SNX27: variants seen among roughly 807,000 people sequenced by gnomAD.
SNX27 encodes the protein sorting nexin 27.
SNX27 carries 22 observed loss-of-function variants against 71.6 expected under a neutral mutation model. That is an observed-to-expected ratio of 0.31 (90% CI 0.22 to 0.44). SNX27 has a LOEUF of 0.44. SNX27 is among the 20% of genes least tolerant of loss of function. The pLI is 1.00. For synonymous variants in SNX27, 269 were observed against 277.2 expected (o/e 0.97, Z 0.29); for missense variants, 531 against 698.6 (o/e 0.76, Z 2.70).
intron 1 of SNX27, among the ~76,000 whole-genome samples, chr1:151,616,363 G>T (rs1013935913): frequency 3.3e-5 from 5 of 152,136 alleles, no homozygotes; most frequent in Admixed American, 1.3e-4. Context: ...ATTTTTGAAG[G>T]ATTAGTTTAA....
Position 151,612,307 on chromosome 1 carries a change from G to A in SNX27, c.106G>A (p.Gly36Arg). 1 of 1,518,422 alleles carries A rather than the reference G, an allele frequency of 6.6e-7. No individual in the cohort carries two copies. The highest frequency in any genetic ancestry group is 2.2e-5 in the Admixed American group (1 of 44,820). 94.1% of individuals were successfully genotyped at this position (1,518,422 alleles called of 1,614,324 possible). A position where few individuals can be genotyped will look rare whatever the true frequency, so the allele number is the denominator to read the frequency against. The change falls in exon 1 of 12, where the codon GGG becomes AGG. Residue 36 changes from glycine to arginine, a missense_variant. By Grantham distance (125) the Gly-to-Arg change is moderately radical (BLOSUM62 -2). Transcript: ENST00000458013. This position sits in a 1 kb window ranked among gnomAD's most constrained non-coding sequence, Gnocchi z 5.2. Reference protein sequence around the residue: ...SGLHCAGNGGGGGGGPRVVRI... With the variant: ...SGLHCAGNGGRGGGGPRVVRI... Reference sequence around the variant, plus strand: ...GCTCCACTGCGCCGGGAACGGCGGCGGGGGAGGCGGCGGCCCGCGGGTCGT... The same window carrying A: ...GCTCCACTGCGCCGGGAACGGCGGCAGGGGAGGCGGCGGCCCGCGGGTCGT...
chr1:151,692,568 A>G lies in SNX27; in HGVS notation c.1373A>G (p.Glu458Gly). The G allele has an allele frequency of 6.2e-7, 1 of 1,612,746 alleles. No homozygotes were observed. The highest frequency in any genetic ancestry group is 8.5e-7 in the Non-Finnish European group (1 of 1,179,602). ...CACTTTAAACTGCATGCCTGCACTG[A>G]AGAAGGACAGCTGGAGGTGAGTTTT... The part of the protein sequence containing the change: ...ITHFKLHACT[E>G]EGQLENQVIA... The change falls in exon 9 of 12, where the codon GAA becomes GGA. Residue 458 changes from glutamate to glycine, a missense_variant. By Grantham distance (98) the Glu-to-Gly change is moderately conservative. Coordinates refer to ENST00000458013, the MANE Select transcript of SNX27 (RefSeq NM_001330723.2).
At chr1:151,632,479 A>G (rs1363467943) in intron 1 of SNX27, among the ~76,000 whole-genome samples, 1 of 152,086 alleles carries the variant, frequency 6.6e-6, no homozygotes, top group African/African-American at 2.4e-5. Context: ...TTTTAACTAT[A>G]CTAGGTTTGA....
intron 1 of SNX27, 78 bp from the exon 2 acceptor site, chr1:151,638,810 T>C (rs760045880): frequency 7.6e-7 from 1 of 1,316,762 alleles, no homozygotes; most frequent in Non-Finnish European, 1.1e-6. Flanking sequence ...ACACTGGAGT[T>C]TGGGCAGGAG....
intron 2 of SNX27, among the ~76,000 whole-genome samples, chr1:151,651,562 C>T (rs1213203888): frequency 6.0e-5 from 9 of 150,958 alleles, no homozygotes; most frequent in East Asian, 2.0e-4. Context: ...ACCTCCCAGA[C>T]GGGGTCGCGG....
At chr1:151,651,457 C>T (rs1205134895) in intron 2 of SNX27, among the ~76,000 whole-genome samples, 3 of 151,426 alleles carry the variant, frequency 2.0e-5, no homozygotes, top group Admixed American at 1.3e-4. Flanking sequence ...GGGCGGCTGC[C>T]GGGCAGAGGG....
At chr1:151,653,684 A>AT (rs1013695818) in intron 2 of SNX27, among the ~76,000 whole-genome samples, 12 of 149,116 alleles carry the variant, frequency 8.0e-5, no homozygotes, top group East Asian at 2.0e-4. Flanking sequence ...CATCTGGCTA[A>AT]TTTTTTTTTT....
intron 2 of SNX27, among the ~76,000 whole-genome samples, chr1:151,654,949 A>G (rs1245337147): frequency 6.6e-6 from 1 of 152,138 alleles, no homozygotes; most frequent in Non-Finnish European, 1.5e-5. Context: ...TGTCTTGGTA[A>G]CTTCTGAGCC....
intron 7 of SNX27, among the ~76,000 whole-genome samples, chr1:151,673,620 G>A (rs1670539776): frequency 6.6e-6 from 1 of 152,042 alleles, no homozygotes; most frequent in Non-Finnish European, 1.5e-5. Context: ...CTGAAAGTTG[G>A]GTGTTGAGGT....
intron 2 of SNX27, among the ~76,000 whole-genome samples, chr1:151,651,017 G>C (rs1296390443): frequency 6.6e-6 from 1 of 152,046 alleles, no homozygotes; most frequent in Non-Finnish European, 1.5e-5. Flanking sequence ...ACACAGACAC[G>C]GCAACCATCC....
intron 3 of SNX27, chr1:151,659,880 T>G (rs899684068): frequency 6.6e-6 from 1 of 152,272 alleles, no homozygotes; most frequent in Admixed American, 6.5e-5. Flanking sequence ...AAATACTGGC[T>G]TATAGAATAA....
chr1:151,662,490 C>CTT, intron 5 of SNX27: 2 of 282,702 alleles, frequency 7.1e-6, no homozygotes, highest in South Asian at 3.9e-5. Context: ...TTAACGCCTC[C>CTT]TTTTTTTTTG....
At chr1:151,657,741 ACTC>A (rs1372083510) in intron 2 of SNX27, among the ~76,000 whole-genome samples, 1 of 151,856 alleles carries the variant, frequency 6.6e-6, no homozygotes, top group African/African-American at 2.4e-5. Context: ...ATAAGATCAC[ACTC>A]CTCCTGCTGG....
intron 1 of SNX27, among the ~76,000 whole-genome samples, chr1:151,623,484 T>TCTA (rs1481527842): frequency 4.7e-4 from 71 of 152,020 alleles, no homozygotes; most frequent in Non-Finnish European, 7.9e-4. Context: ...CAGTCTGGTC[T>TCTA]TCTCCTGACC....
chr1:151,612,273 G>A lies in SNX27; in HGVS notation c.72G>A (p.Gly24=), dbSNP rs1293704681. The change falls in exon 1 of 12, where the codon GGG becomes GGA. Residue 24 remains glycine (G), a synonymous_variant. Coordinates refer to ENST00000458013, the MANE Select transcript of SNX27 (RefSeq NM_001330723.2). This position sits in a 1 kb window ranked among gnomAD's most constrained non-coding sequence, Gnocchi z 5.2. ...GGAACGGAGGTGGCGGCGGCGGCGG[G>A]GGGTCTGGGCTCCACTGCGCCGGGA... The part of the protein sequence containing the change: ...PHRNGGGGGG[G]GSGLHCAGNG... The A allele has an allele frequency of 2.1e-6, 3 of 1,462,500 alleles. No homozygotes were observed. The highest frequency in any genetic ancestry group is 2.9e-5 in the East Asian group (1 of 34,560). The allele number at this position is 1,462,500 out of a possible 1,614,324, so 90.6% of individuals were successfully genotyped here. A position where few individuals can be genotyped will look rare whatever the true frequency, so the allele number is the denominator to read the frequency against.
intron 1 of SNX27, among the ~76,000 whole-genome samples, chr1:151,633,231 G>A (rs533016501): frequency 6.6e-6 from 1 of 152,226 alleles, no homozygotes; most frequent in African/African-American, 2.4e-5. Flanking sequence ...GAAGCATAGA[G>A]TTTGAGTTTT....
intron 1 of SNX27, chr1:151,629,489 ATG>A: frequency 6.6e-6 from 1 of 150,768 alleles, no homozygotes; most frequent in African/African-American, 2.4e-5. Flanking sequence ...GTATATATAC[ATG>A]TATGCGTATA....
intron 1 of SNX27, among the ~76,000 whole-genome samples, chr1:151,616,800 A>G (rs1483054542): frequency 6.6e-6 from 1 of 152,240 alleles, no homozygotes; most frequent in African/African-American, 2.4e-5. Context: ...GCTTTAGGGT[A>G]CATGAGAAGC....
At chr1:151,681,019 G>T (rs1213370503) in intron 7 of SNX27, among the ~76,000 whole-genome samples, 1 of 152,028 alleles carries the variant, frequency 6.6e-6, no homozygotes, top group African/African-American at 2.4e-5. Context: ...TTCCTGGCAG[G>T]ACATTCATAT....
Sources: allele counts gnomAD v4.1 joint callset (sites outside exome capture counted in the v4.1 genomes callset), GRCh38; gene constraint gnomAD v4.1.1; non-coding constraint Gnocchi (gnomAD v3.1); transcripts MANE v1.5; gene names NCBI Gene and HGNC (gene_info 2026-07-23, HGNC 2026-07-21).